COL4A1: variants seen among roughly 807,000 people sequenced by gnomAD.
The protein encoded by COL4A1 is collagen type IV alpha 1 chain, also known as collagen alpha-1(IV) chain.
COL4A1 carries 40 observed loss-of-function variants against 216.6 expected under a neutral mutation model. The ratio of observed to expected loss-of-function variants is 0.18; its 90% confidence interval spans 0.14 to 0.24. COL4A1 has a LOEUF of 0.24. Ranked by LOEUF, COL4A1 falls within the 10% of genes least tolerant of loss-of-function variation. The probability of loss-of-function intolerance (pLI) is 1.00; values close to 1 mark genes in which losing one functional copy is unlikely to be tolerated. For synonymous variants in COL4A1, 839 were observed against 810.7 expected, an observed-to-expected ratio of 1.03 and a Z score of -0.59; for missense variants, 1,628 against 2,196.8, an observed-to-expected ratio of 0.74 and a Z score of 5.18.
chr13:110,173,920 G>A lies in COL4A1; in HGVS notation c.3485C>T (p.Ala1162Val), dbSNP rs757078933. The A allele has an allele frequency of 1.2e-6, 2 of 1,614,182 alleles. No homozygotes were observed. Among genetic ancestry groups the A allele is most frequent in the Non-Finnish European group, 1.7e-6 (2 of 1,180,044 alleles). The change falls in exon 40 of 52, where the codon GCA becomes GTA. Residue 1162 changes from alanine to valine, a missense_variant. By Grantham distance (64) the Ala-to-Val change is moderately conservative. This residue lies in a region of COL4A1 where 345 missense variants were observed against 476.9 expected (regional missense o/e 0.72). Transcript: ENST00000375820. The stretch of plus-strand genomic sequence containing the variant: ...CATACCTGGTTCACCCTTCTCTCCT[G>A]CTGACCCCGGGATTCCATCACTGCC... ...EPGSDGIPGS[A>V]GEKGEPGLPG...
intron 1 of COL4A1, among the ~76,000 whole-genome samples, chr13:110,258,220 A>C (rs1310800529): frequency 6.6e-6 from 1 of 152,252 alleles, no homozygotes; most frequent in Non-Finnish European, 1.5e-5. Flanking sequence ...ACGTGGAGCC[A>C]AAGTGAACCG....
intron 43 of COL4A1, among the ~76,000 whole-genome samples, chr13:110,168,088 C>T (rs1007916629): frequency 2.0e-5 from 3 of 152,018 alleles, no homozygotes; most frequent in Non-Finnish European, 2.9e-5. Flanking sequence ...GGCACCATCT[C>T]GGCTCACTTC....
At chr13:110,290,412 A>G (rs1190885023) in intron 1 of COL4A1, among the ~76,000 whole-genome samples, 1 of 152,216 alleles carries the variant, frequency 6.6e-6, no homozygotes, top group Admixed American at 6.5e-5. Context: ...TTTATGATTT[A>G]CCCTCTTAAT....
At chr13:110,237,802 T>C (rs1344890079) in intron 2 of COL4A1, among the ~76,000 whole-genome samples, 1 of 152,194 alleles carries the variant, frequency 6.6e-6, no homozygotes, top group Non-Finnish European at 1.5e-5. Flanking sequence ...GACATGGACA[T>C]ACACCGATTG....
chr13:110,159,698 C>T (rs765020199), intron 49 of COL4A1, among the ~76,000 whole-genome samples: 19 of 152,296 alleles, frequency 1.2e-4, no homozygotes, highest in Non-Finnish European at 2.4e-4. Flanking sequence ...GTGGACAAAA[C>T]CTAAGTGTCC....
At chr13:110,248,834 A>G (rs1881952295) in intron 1 of COL4A1, among the ~76,000 whole-genome samples, 1 of 152,118 alleles carries the variant, frequency 6.6e-6, no homozygotes, top group Non-Finnish European at 1.5e-5. Flanking sequence ...CACACACACA[A>G]AATGCTGGTG....
chr13:110,238,770 C>CT (rs1234856171), intron 2 of COL4A1, among the ~76,000 whole-genome samples: 5 of 152,166 alleles, frequency 3.3e-5, no homozygotes, highest in African/African-American at 4.8e-5. Flanking sequence ...TGAAAGAGGT[C>CT]TTGTGTAAAC....
chr13:110,161,943 T>C (rs1877105326), intron 48 of COL4A1: 8 of 474,166 alleles, frequency 1.7e-5, no homozygotes, highest in Non-Finnish European at 2.7e-5. Flanking sequence ...TCCTACTTGA[T>C]AATTTGAAGA....
chr13:110,244,607 T>A lies in COL4A1; in HGVS notation c.85-1873A>T, dbSNP rs545183768. On this transcript the variant is annotated intron_variant, in intron 1 of 51. Coordinates refer to ENST00000375820, the MANE Select transcript of COL4A1 (RefSeq NM_001845.6). ...ACCTAACTCAGCCAGTACTACCATGTGTCTAATCCCCAGGTGAGGGTCACC... is the reference window on the plus strand; with the variant it reads ...ACCTAACTCAGCCAGTACTACCATGAGTCTAATCCCCAGGTGAGGGTCACC... 4.6e-5 allele frequency among the ~76,000 whole-genome samples: 7 copies of A among 152,288 alleles called. No homozygotes were observed. The East Asian group carries it at 1.4e-3, about 29-fold the overall frequency.
chr13:110,231,879 C>T (rs568958026), intron 2 of COL4A1, among the ~76,000 whole-genome samples: 1 of 152,314 alleles, frequency 6.6e-6, no homozygotes, highest in East Asian at 1.9e-4. Context: ...GGCAAATTAA[C>T]CTAAGGCCCT....
In COL4A1 at chr13:110,192,191, T is replaced by C. The variant is rs767801211; in HGVS notation, c.1536+23A>G. ...TTGGTGGCAACTTCTGATATGTACA[T>C]GAACTCAGACAGGTTTACTTACTGG... On this transcript the variant is annotated intron_variant, in intron 24 of 51. Transcript: ENST00000375820. 13 of 1,612,792 alleles carry C rather than the reference T, an allele frequency of 8.1e-6. No individual in the cohort carries two copies. The South Asian group carries it at 1.2e-4, about 15-fold the overall frequency.
In COL4A1 at chr13:110,288,564, G is replaced by A. The variant is rs117422367; in HGVS notation, c.84+18380C>T. ...TTAGTATATGTATTTTCTTTGCACA[G>A]ACAAAAATCAAAAATCACAAAAATG... On this transcript the variant is annotated intron_variant, in intron 1 of 51. Coordinates refer to ENST00000375820, the MANE Select transcript of COL4A1 (RefSeq NM_001845.6). Among the ~76,000 whole-genome samples the A allele has an allele frequency of 7.3e-3, 1,113 of 152,150 alleles. 7 individuals carry two copies. The highest frequency in any genetic ancestry group is 0.012 in the Admixed American group (190 of 15,292).
chr13:110,243,301 A>G (rs1881645577), intron 1 of COL4A1, among the ~76,000 whole-genome samples: 1 of 152,230 alleles, frequency 6.6e-6, no homozygotes, highest in Non-Finnish European at 1.5e-5. Context: ...ACAGTCAACA[A>G]CAAAATATTC....
At chr13:110,255,017 C>T (rs1359146409) in intron 1 of COL4A1, among the ~76,000 whole-genome samples, 1 of 152,188 alleles carries the variant, frequency 6.6e-6, no homozygotes, top group Non-Finnish European at 1.5e-5. Flanking sequence ...AGCTGTGGCC[C>T]CTACCACGCT....
chr13:110,153,889 G>T (rs188889741), intron 50 of COL4A1, among the ~76,000 whole-genome samples: 4 of 152,094 alleles, frequency 2.6e-5, no homozygotes, highest in African/African-American at 9.7e-5. Flanking sequence ...TGGGCGCCTC[G>T]CACACAGCAC....
chr13:110,218,928 G>C (rs919016528), intron 2 of COL4A1, among the ~76,000 whole-genome samples: 1 of 152,220 alleles, frequency 6.6e-6, no homozygotes, highest in Non-Finnish European at 1.5e-5. Flanking sequence ...TCAAGGATGG[G>C]TCACAGTCAG....
intron 1 of COL4A1, among the ~76,000 whole-genome samples, chr13:110,261,349 AAAC>A (rs1277240394): frequency 3.3e-5 from 5 of 152,158 alleles, no homozygotes; most frequent in Non-Finnish European, 1.5e-5. Flanking sequence ...GATTCTCTCA[AAAC>A]AACATTTGAA....
chr13:110,202,578 G>A (rs1345175136), intron 18 of COL4A1, among the ~76,000 whole-genome samples: 1 of 152,040 alleles, frequency 6.6e-6, no homozygotes, highest in African/African-American at 2.4e-5. Flanking sequence ...AATAAAATGG[G>A]CTGTGTGAAC....
At chr13:110,190,742 T>G (rs930681088) in intron 24 of COL4A1, 3 of 152,208 alleles carry the variant, frequency 2.0e-5, no homozygotes, top group Admixed American at 2.0e-4. Flanking sequence ...ACTTCTCAAT[T>G]GAATTATTTA....
Sources: gnomAD v4.1 joint callset for allele counts (sites outside exome capture counted in the v4.1 genomes callset) on GRCh38, gnomAD v4.1.1 for gene constraint, gnomAD v4.1.1 regional missense constraint, MANE v1.5 for transcripts, NCBI Gene and HGNC (gene_info 2026-07-23, HGNC 2026-07-21) for gene names.